Variants in EDARADD observed in about 807,000 individuals in gnomAD.
EDARADD encodes the protein EDAR associated via death domain.
A neutral mutation model predicts 25.6 loss-of-function variants in EDARADD; 20 were observed. The observed-to-expected ratio is 0.78, with a 90% CI of 0.55 to 1.14. The LOEUF (loss-of-function observed/expected upper bound fraction) is 1.14, where lower values mean the gene tolerates loss of function less well. EDARADD is among the 50% of genes most tolerant of loss of function. The probability of loss-of-function intolerance (pLI) is 0.00; values close to 1 mark genes in which losing one functional copy is unlikely to be tolerated. For synonymous variants in EDARADD, 86 were observed against 94.4 expected (o/e 0.91, Z 0.52); for missense variants, 225 against 270.1 (o/e 0.83, Z 1.17).
intron 4 of EDARADD, among the ~76,000 whole-genome samples, chr1:236,440,633 C>G (rs1372131117): frequency 1.3e-5 from 2 of 151,672 alleles, no homozygotes; most frequent in Non-Finnish European, 2.9e-5. Flanking sequence ...GCGACTCTTG[C>G]TGCCATTTTT....
At chr1:236,385,668 G>T (rs1558106151) in intron 3 of EDARADD, among the ~76,000 whole-genome samples, 1 of 151,968 alleles carries the variant, frequency 6.6e-6, no homozygotes, top group Non-Finnish European at 1.5e-5. Flanking sequence ...AGGTTTCAGT[G>T]AGCTGAGATT....
chr1:236,475,791 C>A (rs632354), intron 5 of EDARADD, among the ~76,000 whole-genome samples: 59,764 of 151,468 alleles, frequency 0.39, 11,934 homozygotes, highest in South Asian at 0.43. Flanking sequence ...AACACACACA[C>A]AAAAAAACTT....
intron 4 of EDARADD, among the ~76,000 whole-genome samples, chr1:236,428,501 G>T (rs1306141676): frequency 6.6e-6 from 1 of 152,070 alleles, no homozygotes; most frequent in African/African-American, 2.4e-5. Flanking sequence ...CGCCCAGACG[G>T]GGTGGCGGCC....
chr1:236,460,785 A>G (rs17582817), intron 4 of EDARADD, among the ~76,000 whole-genome samples: 21,346 of 151,630 alleles, frequency 0.14, 1,544 homozygotes, highest in Non-Finnish European at 0.15. Flanking sequence ...TTGATTGACT[A>G]TCACTGACTG....
intron 4 of EDARADD, among the ~76,000 whole-genome samples, chr1:236,433,125 G>A (rs1198644513): frequency 1.3e-5 from 2 of 151,554 alleles, no homozygotes; most frequent in African/African-American, 4.8e-5. Context: ...AAATAAAAGC[G>A]TTACTTTAAA....
chr1:236,367,420 G>T (rs1270757068), intron 3 of EDARADD, among the ~76,000 whole-genome samples: 1 of 152,074 alleles, frequency 6.6e-6, no homozygotes, highest in East Asian at 1.9e-4. Flanking sequence ...ACTAGAGACG[G>T]GTTTCACCAA....
intron 1 of EDARADD, among the ~76,000 whole-genome samples, chr1:236,405,859 TTCCTTCCTTCC>T (rs1667714967): frequency 3.7e-5 from 2 of 54,678 alleles, no homozygotes; most frequent in African/African-American, 7.5e-5. Flanking sequence ...CCTTCCTTCC[TTCCTTCCTTCC>T]TTCCTTCTTT....
Position 236,394,524 on chromosome 1 carries a change from T to C in EDARADD, c.61+19T>C. The stretch of plus-strand genomic sequence containing the variant: ...CAAGAGGGTATGTAGGCATTTGCTG[T>C]CTTCCTGGATTTCTCAGAGCTGAGT... On this transcript the variant is annotated intron_variant, in intron 1 of 5. Transcript: ENST00000334232. 1 of 1,609,880 alleles carries C rather than the reference T, an allele frequency of 6.2e-7. No homozygotes were observed.
chr1:236,422,321 T>A lies in EDARADD; in HGVS notation c.161-5071T>A, dbSNP rs1350106871. 1.3e-5 allele frequency among the ~76,000 whole-genome samples: 2 copies of A among 152,222 alleles called. 1 individual carries two copies. Among genetic ancestry groups the A allele is most frequent in the Non-Finnish European group, 2.9e-5 (2 of 68,034 alleles). The stretch of plus-strand genomic sequence containing the variant: ...GGACTCCAAAGGAGACTGGAAATGT[T>A]CTGCTGAAGCCTTGTATGGTGGCCT... On this transcript the variant is annotated intron_variant, in intron 3 of 5. Transcript: ENST00000334232.
At chr1:236,426,073 C>T (rs1023164508) in intron 3 of EDARADD, among the ~76,000 whole-genome samples, 1 of 152,044 alleles carries the variant, frequency 6.6e-6, no homozygotes, top group African/African-American at 2.4e-5. Flanking sequence ...CCTTGAACTC[C>T]TGGGCTCAAG....
At chr1:236,364,994 C>T (rs1667094927) in intron 3 of EDARADD, among the ~76,000 whole-genome samples, 1 of 152,108 alleles carries the variant, frequency 6.6e-6, no homozygotes, top group Admixed American at 6.6e-5. Flanking sequence ...TTTTTCACCA[C>T]TGAGTATAAT....
At chr1:236,473,316 C>T (rs181134246) in intron 5 of EDARADD, among the ~76,000 whole-genome samples, 2 of 152,068 alleles carry the variant, frequency 1.3e-5, no homozygotes, top group African/African-American at 4.8e-5. Context: ...GCAAAGGACC[C>T]GGCCCGTGGA....
intron 3 of EDARADD, among the ~76,000 whole-genome samples, chr1:236,426,806 G>A (rs1210125915): frequency 6.6e-6 from 1 of 152,170 alleles, no homozygotes; most frequent in Non-Finnish European, 1.5e-5. Flanking sequence ...GAGGTGGGAG[G>A]ATCACATGAG....
At chr1:236,399,353 T>A (rs1452193370) in intron 1 of EDARADD, among the ~76,000 whole-genome samples, 1 of 152,114 alleles carries the variant, frequency 6.6e-6, no homozygotes, top group Non-Finnish European at 1.5e-5. Context: ...GGCTAATTTT[T>A]GTATTTCTTT....
chr1:236,416,847 T>A (rs1296577884), intron 3 of EDARADD, among the ~76,000 whole-genome samples: 1 of 152,204 alleles, frequency 6.6e-6, no homozygotes, highest in African/African-American at 2.4e-5. Context: ...GACATTGTGG[T>A]AATTTTCTCA....
At chr1:236,363,102 C>T (rs1480652967) in intron 3 of EDARADD, among the ~76,000 whole-genome samples, 3 of 144,522 alleles carry the variant, frequency 2.1e-5, no homozygotes, top group Non-Finnish European at 4.5e-5. Context: ...CTCCTGGCCT[C>T]AAGTGATCTC....
rs1372577644 is a variant in EDARADD at position 236,484,263 on chromosome 1, G to A, written c.*1614G>A. On this transcript the variant is annotated 3_prime_UTR_variant, in exon 6 of 6. Coordinates refer to ENST00000334232, the MANE Select transcript of EDARADD (RefSeq NM_145861.4). The surrounding 1 kb of genome is among the most constrained non-coding windows in gnomAD (Gnocchi z 4.1). ...GCTGGCCCAGGCCAATGGTTGGTGT[G>A]TCATGGTGCCTCATCATTCTGGGGA... The A allele has an allele frequency of 1.0e-6, 1 of 963,866 alleles. No individual in the cohort carries two copies. The highest frequency in any genetic ancestry group is 1.7e-6 in the Non-Finnish European group (1 of 588,178). The allele number at this position is 963,866 out of a possible 1,614,324, so 59.7% of individuals were successfully genotyped here.
chr1:236,351,250 A>G (rs1189896200), intron 3 of EDARADD, among the ~76,000 whole-genome samples: 1 of 152,112 alleles, frequency 6.6e-6, no homozygotes, highest in African/African-American at 2.4e-5. Context: ...TGGCCCAAAT[A>G]AACTATTTAC....
intron 3 of EDARADD, among the ~76,000 whole-genome samples, chr1:236,365,759 G>C (rs1276560254): frequency 6.6e-6 from 1 of 152,104 alleles, no homozygotes; most frequent in African/African-American, 2.4e-5. Context: ...ATGCTAAGTA[G>C]CTCTAAGTTG....
Sources: allele counts gnomAD v4.1 joint callset (sites outside exome capture counted in the v4.1 genomes callset), GRCh38; gene constraint gnomAD v4.1.1; non-coding constraint Gnocchi (gnomAD v3.1); transcripts MANE v1.5; gene names NCBI Gene and HGNC (gene_info 2026-07-23, HGNC 2026-07-21).